TMTC2: variants seen among roughly 807,000 people sequenced by gnomAD.
TMTC2 encodes the protein transmembrane O-mannosyltransferase targeting cadherins 2.
In TMTC2, 43 loss-of-function variants were observed where a neutral mutation model predicts 82.4. The observed-to-expected ratio is 0.52, with a 90% CI of 0.41 to 0.67. The LOEUF (loss-of-function observed/expected upper bound fraction) is 0.67, where lower values mean the gene tolerates loss of function less well. Among genes scored for constraint, TMTC2 ranks in the 30% least tolerant of loss-of-function variants. The pLI is 0.00. For synonymous variants in TMTC2, 408 were observed against 381.9 expected (o/e 1.07, Z -0.80); for missense variants, 919 against 1,012.4 (o/e 0.91, Z 1.25).
chr12:82,997,368 G>GTATATATATATGTGTA (rs1354293086), intron 8 of TMTC2, among the ~76,000 whole-genome samples: 3 of 35,492 alleles, frequency 8.5e-5, no homozygotes, highest in Non-Finnish European at 1.3e-4. Context: ...ATATATATGT[G>GTATATATATATGTGTA]TATATATATA....
At position 82,896,134 on chromosome 12, in the gene TMTC2, C is replaced by A; in HGVS notation, c.971C>A (p.Ala324Asp). The A allele has an allele frequency of 6.2e-7, 1 of 1,613,982 alleles. No individual in the cohort carries two copies. The highest frequency in any genetic ancestry group is 8.5e-7 in the Non-Finnish European group (1 of 1,180,006). ...TTCTATACTGGACTCCTTCTCCTTG[C>A]CTACTATGGTTTGAAGAGCCCGAGC... The part of the protein sequence containing the change: ...VAFYTGLLLL[A>D]YYGLKSPSVD... The change falls in exon 3 of 12, where the codon GCC becomes GAC. Residue 324 changes from alanine to aspartate, a missense_variant. Physicochemically the swap from Ala to Asp is moderately radical, Grantham distance 126 (BLOSUM62 -2). Transcript: ENST00000321196.
At position 82,936,606 on chromosome 12, in the gene TMTC2, T is replaced by C. The variant is rs140516613; in HGVS notation, c.1598+6061T>C. 2.1e-3 allele frequency among the ~76,000 whole-genome samples: 314 copies of C among 152,226 alleles called. 1 individual carries two copies. The highest frequency in any genetic ancestry group is 7.1e-3 in the African/African-American group (297 of 41,550). ...TAATATTACAATTAAATTACTATAC[T>C]CTTTCAATTTAAGAAGTCAGAGGAT... is the stretch of plus-strand genomic sequence containing the variant. On this transcript the variant is annotated intron_variant, in intron 4 of 11. Coordinates refer to ENST00000321196, the MANE Select transcript of TMTC2 (RefSeq NM_152588.3).
At chr12:82,781,399 CTTT>C (rs71068954) in intron 1 of TMTC2, among the ~76,000 whole-genome samples, 2 of 121,172 alleles carry the variant, frequency 1.7e-5, no homozygotes, top group Non-Finnish European at 3.3e-5. Context: ...GGAGTTTGCT[CTTT>C]TTTTTTTTTT....
intron 4 of TMTC2, among the ~76,000 whole-genome samples, chr12:82,944,482 C>A (rs969032033): frequency 1.4e-5 from 2 of 147,654 alleles, no homozygotes; most frequent in African/African-American, 2.5e-5. Flanking sequence ...GACTCCCAGG[C>A]AGGAGAAAGG....
At chr12:82,796,028 C>T (rs532340632) in intron 1 of TMTC2, among the ~76,000 whole-genome samples, 60 of 152,216 alleles carry the variant, frequency 3.9e-4, no homozygotes, top group African/African-American at 1.3e-3. Flanking sequence ...GGTTACAATA[C>T]CAGAACACCA....
chr12:83,084,009 C>T (rs1400455810), intron 11 of TMTC2, among the ~76,000 whole-genome samples: 1 of 152,192 alleles, frequency 6.6e-6, no homozygotes, highest in Non-Finnish European at 1.5e-5. Context: ...ACCCCCGACA[C>T]GTATCCTCTG....
At chr12:82,766,939 C>T (rs1393305169) in intron 1 of TMTC2, among the ~76,000 whole-genome samples, 3 of 152,146 alleles carry the variant, frequency 2.0e-5, no homozygotes, top group Non-Finnish European at 4.4e-5. Context: ...GCTGGGACTA[C>T]AAGTGCACGC....
At chr12:82,892,712 C>T (rs1442720361) in intron 2 of TMTC2, among the ~76,000 whole-genome samples, 1 of 152,146 alleles carries the variant, frequency 6.6e-6, no homozygotes, top group Non-Finnish European at 1.5e-5. Context: ...TCTACATCCC[C>T]GATCACTTCC....
Position 83,133,882 on chromosome 12 carries a change from A to G in TMTC2, c.*1493A>G, listed in dbSNP as rs1029840096. 2.0e-5 allele frequency: 3 copies of G among 152,228 alleles called. No homozygotes were observed. Among genetic ancestry groups the G allele is most frequent in the African/African-American group, 7.2e-5 (3 of 41,456 alleles). The allele number at this position is 152,228 out of a possible 1,614,324, so 9.4% of individuals were successfully genotyped here. A position where few individuals can be genotyped will look rare whatever the true frequency, so the allele number is the denominator to read the frequency against. Reference sequence around the variant, plus strand: ...TTGATGCATTAAGCCAGTTCTTTGCAACTGAAAATTACCTGTTTCTCCTTC... The same window carrying G: ...TTGATGCATTAAGCCAGTTCTTTGCGACTGAAAATTACCTGTTTCTCCTTC... On this transcript the variant is annotated 3_prime_UTR_variant, in exon 12 of 12. Coordinates refer to ENST00000321196, the MANE Select transcript of TMTC2 (RefSeq NM_152588.3).
intron 1 of TMTC2, among the ~76,000 whole-genome samples, chr12:82,699,228 C>G (rs1872956880): frequency 6.6e-6 from 1 of 152,210 alleles, no homozygotes; most frequent in Non-Finnish European, 1.5e-5. Flanking sequence ...CTTTTACTCT[C>G]TATCCACTCT....
intron 1 of TMTC2, among the ~76,000 whole-genome samples, chr12:82,825,966 A>T (rs567127609): frequency 6.6e-6 from 1 of 152,298 alleles, no homozygotes; most frequent in Admixed American, 6.5e-5. Context: ...GCGAATGGAA[A>T]GTTTTACCAT....
chr12:82,750,219 C>T (rs552106801), intron 1 of TMTC2, among the ~76,000 whole-genome samples: 16 of 147,208 alleles, frequency 1.1e-4, no homozygotes, highest in Admixed American at 4.2e-4. Context: ...TGTTTTATAC[C>T]ACTGAACTCT....
chr12:82,801,889 G>T (rs1422850871), intron 1 of TMTC2, among the ~76,000 whole-genome samples: 1 of 152,122 alleles, frequency 6.6e-6, no homozygotes, highest in Non-Finnish European at 1.5e-5. Flanking sequence ...TAGATACAGA[G>T]TGCTGATTGG....
chr12:82,720,407 A>G (rs1444236305), intron 1 of TMTC2, among the ~76,000 whole-genome samples: 2 of 152,172 alleles, frequency 1.3e-5, no homozygotes, highest in Non-Finnish European at 2.9e-5. Flanking sequence ...ATACCTTTTT[A>G]TAGCCAAATA....
In TMTC2 at chr12:83,050,801, G is replaced by A. The variant is rs184903426; in HGVS notation, c.2153-103G>A. 1.7e-4 allele frequency: 105 copies of A among 631,184 alleles called. 1 individual carries two copies. In the African/African-American group the frequency reaches 1.9e-3, roughly 12 times the overall value. 39.1% of individuals were successfully genotyped at this position (631,184 alleles called of 1,614,324 possible). ...ATAATGAGTATGTTATTAAATCTTA[G>A]CTTCAAATCACCTTTACCACTGTAC... is the stretch of plus-strand genomic sequence containing the variant. On this transcript the variant is annotated intron_variant, in intron 9 of 11. Transcript: ENST00000321196.
chr12:83,089,128 A>G (rs141888631), intron 11 of TMTC2, among the ~76,000 whole-genome samples: 1 of 152,310 alleles, frequency 6.6e-6, no homozygotes, highest in East Asian at 1.9e-4. Context: ...GGTTTGTAGG[A>G]GTCAAATATC....
At chr12:82,986,797 G>A (rs1326178997) in intron 8 of TMTC2, among the ~76,000 whole-genome samples, 2 of 152,050 alleles carry the variant, frequency 1.3e-5, no homozygotes, top group Admixed American at 6.6e-5. Context: ...TATAAAAATG[G>A]TAATTTCATA....
intron 1 of TMTC2, among the ~76,000 whole-genome samples, chr12:82,811,622 A>G (rs1433246140): frequency 6.6e-6 from 1 of 151,988 alleles, no homozygotes; most frequent in Non-Finnish European, 1.5e-5. Context: ...ATATTTGCAA[A>G]TCATTTTAGA....
intron 1 of TMTC2, among the ~76,000 whole-genome samples, chr12:82,782,190 T>C (rs1877942368): frequency 6.6e-6 from 1 of 152,104 alleles, no homozygotes; most frequent in Non-Finnish European, 1.5e-5. Flanking sequence ...AAAAAACAGA[T>C]CATCTCAGCC....
Sources: allele counts gnomAD v4.1 joint callset (sites outside exome capture counted in the v4.1 genomes callset), GRCh38; gene constraint gnomAD v4.1.1; transcripts MANE v1.5; gene names NCBI Gene and HGNC (gene_info 2026-07-23, HGNC 2026-07-21).